The following TEX264 variants were observed in gnomAD, a reference collection of about 807,000 sequenced individuals.
TEX264 encodes the protein testis-expressed protein 264.
TEX264 carries 13 observed loss-of-function variants against 23.4 expected under a neutral mutation model. That is an observed-to-expected ratio of 0.56 (90% CI 0.36 to 0.88). TEX264 has a LOEUF of 0.88. Ranked by LOEUF, TEX264 falls within the 40% of genes least tolerant of loss-of-function variation. TEX264 has a pLI of 0.01. For missense variants in TEX264, 340 were observed against 406.8 expected (o/e 0.84, Z 1.41); for synonymous variants, 159 against 170.0 (o/e 0.94, Z 0.50).
In TEX264 at chr3:51,691,481, G is replaced by A. The variant is rs1702825290; in HGVS notation, c.480+6847G>A. 6.6e-6 allele frequency among the ~76,000 whole-genome samples: 1 copy of A among 152,186 alleles called. No individual in the cohort carries two copies. The highest frequency in any genetic ancestry group is 2.4e-5 in the African/African-American group (1 of 41,438). ...CCATGCCTGGGTGTGGGGAGGGGAG[G>A]GATAGATTCGCTGGGAAAGGCAAAA... is the stretch of plus-strand genomic sequence containing the variant. On this transcript the variant is annotated intron_variant, in intron 3 of 4. Transcript: ENST00000341333. The surrounding 1 kb of genome is among the most constrained non-coding windows in gnomAD (Gnocchi z 4.4).
At chr3:51,677,409 T>G (rs2106912091) in intron 2 of TEX264, among the ~76,000 whole-genome samples, 1 of 152,214 alleles carries the variant, frequency 6.6e-6, no homozygotes, top group Non-Finnish European at 1.5e-5. Context: ...ATGCTCTGGT[T>G]CTCAGAGAAA....
chr3:51,686,400 T>A lies in TEX264; in HGVS notation c.480+1766T>A, dbSNP rs548256590. Among the ~76,000 whole-genome samples, 9 of 152,160 alleles carry A rather than the reference T, an allele frequency of 5.9e-5. No homozygotes were observed. In the South Asian group the frequency reaches 1.9e-3, roughly 32 times the overall value. Reference sequence around the variant, plus strand: ...GCAGCTTGGGGAAAGGGACACAGCGTTGATGATGGAAATGGGAGTTCAGAT... The same window carrying A: ...GCAGCTTGGGGAAAGGGACACAGCGATGATGATGGAAATGGGAGTTCAGAT... On this transcript the variant is annotated intron_variant, in intron 3 of 4. Transcript: ENST00000341333. The surrounding 1 kb of genome is among the most constrained non-coding windows in gnomAD (Gnocchi z 4.1).
chr3:51,703,278 C>T lies in TEX264; in HGVS notation c.650-446C>T, dbSNP rs1307305730. ...GTCCTCGTGCCCTGTGGGTGATGTT[C>T]TGTAGCTGGCCCTGGACACATCTCT... is the stretch of plus-strand genomic sequence containing the variant. On this transcript the variant is annotated intron_variant, in intron 4 of 4. Coordinates refer to ENST00000341333, the MANE Select transcript of TEX264 (RefSeq NM_015926.6). This position sits in a 1 kb window ranked among gnomAD's most constrained non-coding sequence, Gnocchi z 4.8. Among the ~76,000 whole-genome samples the T allele has an allele frequency of 6.6e-6, 1 of 152,144 alleles. No homozygotes were observed. The highest frequency in any genetic ancestry group is 1.5e-5 in the Non-Finnish European group (1 of 68,016).
intron 3 of TEX264, among the ~76,000 whole-genome samples, chr3:51,698,861 C>T (rs1577533321): frequency 1.3e-5 from 2 of 152,230 alleles, no homozygotes; most frequent in Non-Finnish European, 2.9e-5. Flanking sequence ...GATCCTTGTT[C>T]AGGGTCTATA....
rs1407573549 is a variant in TEX264 at position 51,694,085 on chromosome 3, G to GTCCGTCCGTCCTTCCTTCCT, written c.481-5318_481-5317insGTCCGTCCTTCCTTCCTTCC. 3.5e-5 allele frequency among the ~76,000 whole-genome samples: 3 copies of GTCCGTCCGTCCTTCCTTCCT among 85,330 alleles called. No homozygotes were observed. The East Asian group carries it at 1.0e-3, about 30-fold the overall frequency. 56.0% of individuals were successfully genotyped at this position (85,330 alleles called of 152,430 possible). A position where few individuals can be genotyped will look rare whatever the true frequency, so the allele number is the denominator to read the frequency against. On this transcript the variant is annotated intron_variant, in intron 3 of 4. Coordinates refer to ENST00000341333, the MANE Select transcript of TEX264 (RefSeq NM_015926.6). Reference sequence around the variant, plus strand: ...CCTTCCCTTCCCCTTCCTTCCGTCCGTCCTTCCTTCCTTCCTTCCTTCCTT... The same window carrying GTCCGTCCGTCCTTCCTTCCT: ...CCTTCCCTTCCCCTTCCTTCCGTCCGTCCGTCCGTCCTTCCTTCCTTCCTTCCTTCCTTCCTTCCTTCCTT...
intron 3 of TEX264, among the ~76,000 whole-genome samples, chr3:51,696,674 G>A (rs1332498042): frequency 1.3e-5 from 2 of 152,242 alleles, no homozygotes; most frequent in African/African-American, 4.8e-5. Context: ...CAGTCTCCCA[G>A]GAAGGGCCAG....
intron 3 of TEX264, among the ~76,000 whole-genome samples, chr3:51,685,276 G>A (rs1478640091): frequency 6.6e-6 from 1 of 152,152 alleles, no homozygotes; most frequent in Non-Finnish European, 1.5e-5. Context: ...TCCCCTAAAC[G>A]TTTTGTAAAC....
chr3:51,687,226 C>T (rs889653456), intron 3 of TEX264, among the ~76,000 whole-genome samples: 7 of 152,300 alleles, frequency 4.6e-5, no homozygotes, highest in South Asian at 4.1e-4. Flanking sequence ...GAGGCATGGC[C>T]GAAGGTCCTG....
At position 51,703,635 on chromosome 3, in the gene TEX264, C is replaced by T; in HGVS notation, c.650-89C>T. ...CCTGAGCCCGGGAGGCTGCATTATT[C>T]ATGAGTGCACTGCGTGCTGAGTTGC... On this transcript the variant is annotated intron_variant, in intron 4 of 4. Transcript: ENST00000341333. This position sits in a 1 kb window ranked among gnomAD's most constrained non-coding sequence, Gnocchi z 4.8. The T allele has an allele frequency of 7.3e-7, 1 of 1,374,598 alleles. No individual in the cohort carries two copies. Among genetic ancestry groups the T allele is most frequent in the Non-Finnish European group, 9.9e-7 (1 of 1,010,078 alleles). The allele number at this position is 1,374,598 out of a possible 1,614,324, so 85.2% of individuals were successfully genotyped here.
rs567666257 is a variant in TEX264 at position 51,676,312 on chromosome 3, A to G, written c.258+1750A>G. 8.5e-5 allele frequency among the ~76,000 whole-genome samples: 13 copies of G among 152,320 alleles called. No homozygotes were observed. In the South Asian group the frequency reaches 2.7e-3, roughly 32 times the overall value. ...GTTGCCTCTTGGGTTGGAGGTGCTAATTCCTGGATGGGAAAGGGCTAAGGC... is the reference window on the plus strand; with the variant it reads ...GTTGCCTCTTGGGTTGGAGGTGCTAGTTCCTGGATGGGAAAGGGCTAAGGC... On this transcript the variant is annotated intron_variant, in intron 2 of 4. Coordinates refer to ENST00000341333, the MANE Select transcript of TEX264 (RefSeq NM_015926.6).
Position 51,691,491 on chromosome 3 carries a change from G to A in TEX264, c.480+6857G>A, listed in dbSNP as rs112039725. Among the ~76,000 whole-genome samples the A allele has an allele frequency of 1.5e-3, 230 of 152,306 alleles. No homozygotes were observed. Among genetic ancestry groups the A allele is most frequent in the African/African-American group, 5.4e-3 (224 of 41,560 alleles). On this transcript the variant is annotated intron_variant, in intron 3 of 4. Transcript: ENST00000341333. This position sits in a 1 kb window ranked among gnomAD's most constrained non-coding sequence, Gnocchi z 4.4. ...GTGTGGGGAGGGGAGGGATAGATTCGCTGGGAAAGGCAAAACAACCCTTGT... is the reference window on the plus strand; with the variant it reads ...GTGTGGGGAGGGGAGGGATAGATTCACTGGGAAAGGCAAAACAACCCTTGT...
intron 3 of TEX264, among the ~76,000 whole-genome samples, chr3:51,696,001 T>C (rs1033259277): frequency 6.6e-6 from 1 of 152,102 alleles, no homozygotes. Context: ...TGAATCCAGT[T>C]TCTGGCAGAC....
rs1703399120 is a variant in TEX264, at chr3:51,703,538, C to T, written c.650-186C>T. ...CCTCCTTCCCTCCCTCCCTTCCTCCCAGCTCTTTCCCTCTGCCCTGTCTGT... is the reference window on the plus strand; with the variant it reads ...CCTCCTTCCCTCCCTCCCTTCCTCCTAGCTCTTTCCCTCTGCCCTGTCTGT... On this transcript the variant is annotated intron_variant, in intron 4 of 4. Coordinates refer to ENST00000341333, the MANE Select transcript of TEX264 (RefSeq NM_015926.6). The surrounding 1 kb of genome is among the most constrained non-coding windows in gnomAD (Gnocchi z 4.8). Among the ~76,000 whole-genome samples the T allele has an allele frequency of 6.6e-6, 1 of 152,134 alleles. No individual in the cohort carries two copies. Among genetic ancestry groups the T allele is most frequent in the Non-Finnish European group, 1.5e-5 (1 of 68,010 alleles).
At chr3:51,687,853 C>G (rs1202414232) in intron 3 of TEX264, among the ~76,000 whole-genome samples, 1 of 152,138 alleles carries the variant, frequency 6.6e-6, no homozygotes, top group African/African-American at 2.4e-5. Flanking sequence ...CTGAAGTTCA[C>G]GGCGAGAGGC....
At chr3:51,698,435 T>C (rs754839795) in intron 3 of TEX264, among the ~76,000 whole-genome samples, 1 of 151,932 alleles carries the variant, frequency 6.6e-6, no homozygotes, top group Non-Finnish European at 1.5e-5. Context: ...GTCATCATAG[T>C]GGGTATTTGT....
intron 4 of TEX264, among the ~76,000 whole-genome samples, chr3:51,700,636 C>T (rs1289120604): frequency 6.6e-6 from 1 of 152,108 alleles, no homozygotes; most frequent in African/African-American, 2.4e-5. Flanking sequence ...AGAGTGCCTT[C>T]ACTTTACTGT....
chr3:51,701,693 A>G (rs1483981789), intron 4 of TEX264, among the ~76,000 whole-genome samples: 1 of 152,074 alleles, frequency 6.6e-6, no homozygotes, highest in African/African-American at 2.4e-5. Context: ...GTGAAATGGC[A>G]TGATCTTGGC....
intron 3 of TEX264, among the ~76,000 whole-genome samples, chr3:51,694,031 CT>C (rs1559680556): frequency 7.9e-5 from 11 of 138,492 alleles, no homozygotes; most frequent in East Asian, 6.3e-4. Context: ...TCCTTCCTTC[CT>C]TCCTTCCTTC....
rs73834275 is a variant in TEX264 at position 51,685,029 on chromosome 3, C to T, written c.480+395C>T. Among the ~76,000 whole-genome samples, 913 of 152,294 alleles carry T rather than the reference C, an allele frequency of 6.0e-3. 11 individuals are homozygous for T. Among genetic ancestry groups the T allele is most frequent in the African/African-American group, 0.021 (881 of 41,546 alleles). ...TGAGGCTCCCAGTGTCTGGGCAGGC[C>T]CCAGGTAATCATGTATTGCCCGTGG... is the stretch of plus-strand genomic sequence containing the variant. On this transcript the variant is annotated intron_variant, in intron 3 of 4. Coordinates refer to ENST00000341333, the MANE Select transcript of TEX264 (RefSeq NM_015926.6).
Sources: allele counts gnomAD v4.1 joint callset (sites outside exome capture counted in the v4.1 genomes callset), GRCh38; gene constraint gnomAD v4.1.1; non-coding constraint Gnocchi (gnomAD v3.1); transcripts MANE v1.5; gene names NCBI Gene and HGNC (gene_info 2026-07-23, HGNC 2026-07-21).